Variants in WWOX observed in about 807,000 individuals in gnomAD.
WWOX encodes WW domain containing oxidoreductase.
A neutral mutation model predicts 46.2 loss-of-function variants in WWOX; 69 were observed. The ratio of observed to expected loss-of-function variants is 1.49; its 90% CI spans 1.23 to 1.82. The LOEUF (loss-of-function observed/expected upper bound fraction) is 1.82. WWOX is among the 40% of genes most tolerant of loss of function. The probability of loss-of-function intolerance (pLI) is 0.00; values close to 1 mark genes in which losing one functional copy is unlikely to be tolerated. For synonymous variants in WWOX, 359 were observed against 202.6 expected, an observed-to-expected ratio of 1.77 and a Z score of -6.56; for missense variants, 919 against 542.6, an observed-to-expected ratio of 1.69 and a Z score of -6.89.
chr16:78,916,487 G>A (rs2045254962), intron 8 of WWOX, among the ~76,000 whole-genome samples: 1 of 152,264 alleles, frequency 6.6e-6, no homozygotes, highest in African/African-American at 2.4e-5. Context: ...GCTCTAAAGG[G>A]AAAAGCTTTG....
intron 8 of WWOX, among the ~76,000 whole-genome samples, chr16:78,724,322 C>T (rs559920934): frequency 6.6e-6 from 1 of 152,134 alleles, no homozygotes; most frequent in African/African-American, 2.4e-5. Context: ...GATTAACTTG[C>T]ATAAAAAAGA....
chr16:78,898,308 A>G (rs560977870), intron 8 of WWOX: 5 of 152,210 alleles, frequency 3.3e-5, no homozygotes, highest in Admixed American at 3.3e-4. Context: ...ATCTCAAATT[A>G]ATTTTTGTAT....
intron 8 of WWOX, among the ~76,000 whole-genome samples, chr16:79,122,826 A>C (rs1219785939): frequency 6.6e-6 from 1 of 152,266 alleles, no homozygotes; most frequent in East Asian, 1.9e-4. Context: ...AGCTCAATGA[A>C]ATACATCTTC....
At chr16:78,295,729 C>CAAAG (rs951448139) in intron 5 of WWOX, among the ~76,000 whole-genome samples, 1 of 143,442 alleles carries the variant, frequency 7.0e-6, no homozygotes, top group Non-Finnish European at 1.6e-5. Flanking sequence ...AACAAACAAA[C>CAAAG]AAACAAACAA....
intron 8 of WWOX, among the ~76,000 whole-genome samples, chr16:78,686,338 C>T (rs1274479077): frequency 1.3e-5 from 2 of 152,040 alleles, no homozygotes; most frequent in African/African-American, 2.4e-5. Context: ...GGTGAAACCC[C>T]GCCTCTACTA....
chr16:79,135,605 G>C (rs1320920953), intron 8 of WWOX, among the ~76,000 whole-genome samples: 1 of 152,026 alleles, frequency 6.6e-6, no homozygotes, highest in African/African-American at 2.4e-5. Flanking sequence ...AAATTCAATT[G>C]TGGACCAATG....
intron 8 of WWOX, among the ~76,000 whole-genome samples, chr16:79,196,726 T>C (rs976514756): frequency 2.0e-5 from 3 of 152,166 alleles, no homozygotes; most frequent in African/African-American, 7.2e-5. Context: ...AGACTTTTTT[T>C]TTTAGGGGGA....
At chr16:78,733,869 C>G (rs1261361032) in intron 8 of WWOX, among the ~76,000 whole-genome samples, 1 of 152,062 alleles carries the variant, frequency 6.6e-6, no homozygotes, top group Non-Finnish European at 1.5e-5. Context: ...ATTTCGAGAC[C>G]AACCTGGACA....
In WWOX at chr16:78,962,250, C is replaced by A. The variant is rs143274625; in HGVS notation, c.1057-249358C>A. The stretch of plus-strand genomic sequence containing the variant: ...GAGGTGGCTTCTTTTTTCTCTATCC[C>A]ATTAGCTGAATTCTGTGCCAGAAGG... On this transcript the variant is annotated intron_variant, in intron 8 of 8. Coordinates refer to ENST00000566780, the MANE Select transcript of WWOX (RefSeq NM_016373.4). Among the ~76,000 whole-genome samples, 10 of 146,862 alleles carry A rather than the reference C, an allele frequency of 6.8e-5. No homozygotes were observed. The East Asian group carries it at 2.1e-3, about 30-fold the overall frequency.
chr16:78,607,214 CATTA>C (rs1202126338), intron 8 of WWOX, among the ~76,000 whole-genome samples: 1 of 151,968 alleles, frequency 6.6e-6, no homozygotes, highest in African/African-American at 2.4e-5. Flanking sequence ...ATTATAAAAA[CATTA>C]ATTACTTTAA....
chr16:78,162,325 T>G (rs1035995266), intron 4 of WWOX, among the ~76,000 whole-genome samples: 1 of 152,224 alleles, frequency 6.6e-6, no homozygotes, highest in Non-Finnish European at 1.5e-5. Context: ...CTCTAACTAC[T>G]TCTAAAACTA....
chr16:78,694,020 G>A (rs903598392), intron 8 of WWOX, among the ~76,000 whole-genome samples: 5 of 152,012 alleles, frequency 3.3e-5, no homozygotes, highest in African/African-American at 1.2e-4. Flanking sequence ...ATCGGTTGAG[G>A]TCAGAGTTCA....
At chr16:78,261,557 T>C (rs1167013435) in intron 5 of WWOX, among the ~76,000 whole-genome samples, 2 of 150,758 alleles carry the variant, frequency 1.3e-5, no homozygotes, top group African/African-American at 2.4e-5. Flanking sequence ...TGACTGTGTA[T>C]GTATTTTTGC....
At chr16:79,187,429 A>G (rs955470088) in intron 8 of WWOX, among the ~76,000 whole-genome samples, 1 of 152,146 alleles carries the variant, frequency 6.6e-6, no homozygotes, top group African/African-American at 2.4e-5. Context: ...GAGACAGAGT[A>G]TCGCTCTGTC....
chr16:78,668,030 G>A (rs563632798), intron 8 of WWOX, among the ~76,000 whole-genome samples: 18 of 152,110 alleles, frequency 1.2e-4, no homozygotes, highest in African/African-American at 2.7e-4. Context: ...TGTAATCTTA[G>A]CATTTTGAGA....
chr16:78,406,354 A>ATATT (rs2082543447), intron 6 of WWOX, among the ~76,000 whole-genome samples: 8 of 66,554 alleles, frequency 1.2e-4, no homozygotes, highest in Non-Finnish European at 2.2e-4. Context: ...ATATATATAT[A>ATATT]TTTTATTATT....
rs953949000 is a variant in WWOX at position 78,556,216 on chromosome 16, A to G, written c.1056+123464A>G. Among the ~76,000 whole-genome samples, 4 of 151,742 alleles carry G rather than the reference A, an allele frequency of 2.6e-5. No individual in the cohort carries two copies. In the East Asian group the frequency reaches 5.8e-4, roughly 22 times the overall value. ...CAAATGCCAGCCTATCGTGCATCAG[A>G]TGCAAGGGAGTTTGGAAATAAACAG... On this transcript the variant is annotated intron_variant, in intron 8 of 8. Transcript: ENST00000566780.
In WWOX at chr16:78,282,580, G is replaced by T. The variant is rs113759130; in HGVS notation, c.517-104280G>T. ...GAAAGGAAGTGAGAAGAGTGGCTTA[G>T]AACAGGGAAAATGTGGCCGGGCGCA... On this transcript the variant is annotated intron_variant, in intron 5 of 8. Coordinates refer to ENST00000566780, the MANE Select transcript of WWOX (RefSeq NM_016373.4). 2.0e-3 allele frequency among the ~76,000 whole-genome samples: 308 copies of T among 152,174 alleles called. 2 individuals carry two copies. Among genetic ancestry groups the T allele is most frequent in the African/African-American group, 6.9e-3 (288 of 41,512 alleles).
intron 8 of WWOX, among the ~76,000 whole-genome samples, chr16:79,021,402 C>G (rs74036003): frequency 6.6e-6 from 1 of 152,172 alleles, no homozygotes; most frequent in African/African-American, 2.4e-5. Context: ...GTGCCCTTTG[C>G]AGAATAATGG....
Sources: gnomAD v4.1 joint callset for allele counts (sites outside exome capture counted in the v4.1 genomes callset) on GRCh38, gnomAD v4.1.1 for gene constraint, MANE v1.5 for transcripts, NCBI Gene and HGNC (gene_info 2026-07-23, HGNC 2026-07-21) for gene names.